Variants in RANBP3 observed in about 807,000 individuals in gnomAD.
RANBP3 encodes the protein ran-binding protein 3.
RANBP3 carries 14 observed loss-of-function variants against 77.3 expected under a neutral mutation model. The ratio of observed to expected loss-of-function variants is 0.18; its 90% CI spans 0.12 to 0.28. The LOEUF (loss-of-function observed/expected upper bound fraction) is 0.28, where lower values mean the gene tolerates loss of function less well. RANBP3 is among the 10% of genes least tolerant of loss of function. RANBP3 has a pLI of 1.00. For synonymous variants in RANBP3, 315 were observed against 312.4 expected, an observed-to-expected ratio of 1.01 and a Z score of -0.09; for missense variants, 586 against 752.3, an observed-to-expected ratio of 0.78 and a Z score of 2.59.
intron 13 of RANBP3, 31 bp downstream of exon 13, chr19:5,923,163 C>G: frequency 6.3e-7 from 1 of 1,586,056 alleles, no homozygotes; most frequent in Non-Finnish European, 8.7e-7. Context: ...ATGGAAGACC[C>G]AGGGCCACCG....
intron 6 of RANBP3, chr19:5,932,749 T>A (rs2058011058): frequency 1.7e-6 from 1 of 574,896 alleles, no homozygotes; most frequent in African/African-American, 1.9e-5. Flanking sequence ...TACATGAAAC[T>A]CCCAGTGACC....
intron 7 of RANBP3, among the ~76,000 whole-genome samples, chr19:5,931,760 C>T (rs1267422865): frequency 6.6e-6 from 1 of 152,314 alleles, no homozygotes; most frequent in East Asian, 1.9e-4. Flanking sequence ...CTGCCGGGCA[C>T]AGTGGCTCAT....
Position 5,924,756 on chromosome 19 carries a change from A to T in RANBP3, c.996+71T>A. The stretch of plus-strand genomic sequence containing the variant: ...GGACGACACAGCAGCCCTGCTCTCC[A>T]TGTCCCCTTGACCTGTGGCTGGCGC... On this transcript the variant is annotated intron_variant, in intron 11 of 16. Coordinates refer to ENST00000340578, the MANE Select transcript of RANBP3 (RefSeq NM_007322.3). This position sits in a 1 kb window ranked among gnomAD's most constrained non-coding sequence, Gnocchi z 4.7. 1 of 1,455,294 alleles carries T rather than the reference A, an allele frequency of 6.9e-7. No individual in the cohort carries two copies. The highest frequency in any genetic ancestry group is 9.6e-7 in the Non-Finnish European group (1 of 1,036,470). The allele number at this position is 1,455,294 out of a possible 1,614,324, so 90.1% of individuals were successfully genotyped here.
At position 5,917,463 on chromosome 19, in the gene RANBP3, A is replaced by G; in HGVS notation, c.*147T>C. On this transcript the variant is annotated 3_prime_UTR_variant, in exon 17 of 17. Transcript: ENST00000340578. ...GCAGTTCCCGAGTCTGCTTTTGAAC[A>G]GGACGTGCGGGTCCAGACTGTGGCC... 1.2e-6 allele frequency: 1 copy of G among 837,414 alleles called. No individual in the cohort carries two copies. Among genetic ancestry groups the G allele is most frequent in the Non-Finnish European group, 1.8e-6 (1 of 558,598 alleles). 51.9% of individuals were successfully genotyped at this position (837,414 alleles called of 1,614,324 possible).
intron 1 of RANBP3, among the ~76,000 whole-genome samples, chr19:5,966,501 C>A (rs571649935): frequency 4.8e-4 from 73 of 152,222 alleles, no homozygotes; most frequent in Non-Finnish European, 7.9e-4. Flanking sequence ...TCTAAGCTGA[C>A]AACACACACA....
chr19:5,969,150 G>A (rs1468208946), intron 1 of RANBP3, among the ~76,000 whole-genome samples: 1 of 152,186 alleles, frequency 6.6e-6, no homozygotes, highest in East Asian at 1.9e-4. Context: ...CCCACAGGAC[G>A]TTCAGCCTTG....
At chr19:5,932,684 G>A in intron 6 of RANBP3, 140 bp from the exon 7 acceptor site, 1 of 623,972 alleles carries the variant, frequency 1.6e-6, no homozygotes, top group South Asian at 2.0e-5. Context: ...AAAACTTGAG[G>A]TCTTTTTTTA....
At position 5,917,914 on chromosome 19, in the gene RANBP3, G is replaced by C; in HGVS notation, c.1540C>G (p.Arg514Gly). 6.2e-7 allele frequency: 1 copy of C among 1,612,862 alleles called. No individual in the cohort carries two copies. The highest frequency in any genetic ancestry group is 1.3e-5 in the African/African-American group (1 of 75,064). ...LHHRILALRSRVEQEQEAKMP... is the reference protein window; with the variant it reads ...LHHRILALRSGVEQEQEAKMP... The stretch of plus-strand genomic sequence containing the variant: ...TTGGCCTCCTGCTCCTGCTCCACGC[G>C]GCTGCGCAGGGCCAGGATGCGGTGG... The change falls in exon 16 of 17, where the codon CGC (arginine) becomes GGC (glycine). Residue 514 changes from arginine to glycine, a missense_variant. This residue lies in a region of RANBP3 where 128 missense variants were observed against 157.0 expected (regional missense o/e 0.82). Transcript: ENST00000340578.
intron 5 of RANBP3, among the ~76,000 whole-genome samples, chr19:5,938,031 A>C (rs1037179344): frequency 7.2e-5 from 11 of 152,116 alleles, no homozygotes; most frequent in Non-Finnish European, 1.6e-4. Flanking sequence ...TGAAACACCA[A>C]GCCCCTCTGC....
chr19:5,957,207 A>G (rs1326662579), intron 2 of RANBP3, among the ~76,000 whole-genome samples: 2 of 152,182 alleles, frequency 1.3e-5, no homozygotes, highest in Admixed American at 6.5e-5. Context: ...GACCATCCAC[A>G]CCGATCTGTC....
intron 15 of RANBP3, 147 bp downstream of exon 15, chr19:5,918,349 G>T: frequency 1.2e-6 from 1 of 860,890 alleles, no homozygotes; most frequent in Non-Finnish European, 1.7e-6. Context: ...GGGACTGGCG[G>T]GTCCCATAGT....
chr19:5,955,118 T>C (rs2058320459), intron 2 of RANBP3, among the ~76,000 whole-genome samples: 1 of 152,228 alleles, frequency 6.6e-6, no homozygotes, highest in South Asian at 2.1e-4. Flanking sequence ...TACTTGGCAT[T>C]TTATTTTTAA....
intron 14 of RANBP3, among the ~76,000 whole-genome samples, 186 bp from the exon 15 acceptor site, chr19:5,918,824 G>A (rs1003335694): frequency 7.9e-5 from 12 of 152,332 alleles, no homozygotes; most frequent in Middle Eastern, 3.4e-3. Flanking sequence ...TGCTCCCGGG[G>A]CGGGGCTCCT....
At chr19:5,935,603 G>A (rs2145105742) in intron 5 of RANBP3, 1 of 425,758 alleles carries the variant, frequency 2.3e-6, no homozygotes, top group Non-Finnish European at 4.8e-6. Context: ...GTGCAGCGCT[G>A]GCGCTAACGC....
intron 3 of RANBP3, among the ~76,000 whole-genome samples, chr19:5,949,968 T>G (rs1426671568): frequency 6.6e-6 from 1 of 152,192 alleles, no homozygotes; most frequent in Non-Finnish European, 1.5e-5. Context: ...CTATGTGGGC[T>G]GCATTTTTCA....
rs764426777 is a variant in RANBP3 at position 5,941,665 on chromosome 19, C to T, written c.362G>A (p.Arg121Gln). 18 of 1,613,712 alleles carry T rather than the reference C, an allele frequency of 1.1e-5. No homozygotes were observed. The highest frequency in any genetic ancestry group is 1.7e-5 in the Admixed American group (1 of 60,002). Residue 121 changes from arginine to glutamine, a missense_variant, in exon 5 of 17, where the codon CGA (arginine) becomes CAA (glutamine). Arg to Gln is a conservative substitution (Grantham distance 43). Transcript: ENST00000340578. ...EDGNYCPPVK[R>Q]ERTSSLTQFP... ...CTGGGTTAAAGAGGATGTTCTTTCT[C>T]GCTTGACAGGAGGGCAGTAATTTCC...
At chr19:5,931,673 A>T in intron 7 of RANBP3, 142 bp from the exon 8 acceptor site, 1 of 838,972 alleles carries the variant, frequency 1.2e-6, no homozygotes, top group Non-Finnish European at 1.7e-6. Flanking sequence ...TTTTTAAGGA[A>T]GGACCTGGTA....
chr19:5,947,262 C>T (rs2058217250), intron 3 of RANBP3, among the ~76,000 whole-genome samples: 1 of 150,680 alleles, frequency 6.6e-6, no homozygotes, highest in Admixed American at 6.6e-5. Flanking sequence ...TGCAGTGAGC[C>T]CAGATGGCGC....
rs80248957 is a variant in RANBP3, at chr19:5,920,022, A to G, written c.1330+1179T>C. Among the ~76,000 whole-genome samples the G allele has an allele frequency of 1.1e-3, 166 of 152,252 alleles. No homozygotes were observed. In the East Asian group the frequency reaches 0.016, roughly 14 times the overall value. ...TTGAAGTGCATGAACACTACCCTTC[A>G]AGGGGGCTGCTTGAGTTACTGCTGG... On this transcript the variant is annotated intron_variant, in intron 14 of 16. Coordinates refer to ENST00000340578, the MANE Select transcript of RANBP3 (RefSeq NM_007322.3).
Sources: allele counts gnomAD v4.1 joint callset (sites outside exome capture counted in the v4.1 genomes callset), GRCh38; gene constraint gnomAD v4.1.1; regional missense constraint gnomAD v4.1.1; non-coding constraint Gnocchi (gnomAD v3.1); transcripts MANE v1.5; gene names NCBI Gene and HGNC (gene_info 2026-07-23, HGNC 2026-07-21).